Variants in ASPH observed in about 807,000 individuals in gnomAD.
ASPH encodes aspartyl/asparaginyl beta-hydroxylase.
Under a neutral mutation model 118.4 loss-of-function variants are expected in ASPH, and 100 were observed. That is an observed-to-expected ratio of 0.84 (90% CI 0.72 to 1.00). The LOEUF (loss-of-function observed/expected upper bound fraction) is 1.00, where lower values mean the gene tolerates loss of function less well. Ranked by LOEUF, ASPH falls within the 50% of genes least tolerant of loss-of-function variation. The probability of loss-of-function intolerance (pLI) is 0.00; values close to 1 mark genes in which losing one functional copy is unlikely to be tolerated. For synonymous variants in ASPH, 315 were observed against 325.6 expected, an observed-to-expected ratio of 0.97 and a Z score of 0.35; for missense variants, 920 against 919.5, an observed-to-expected ratio of 1.00 and a Z score of -0.01.
At chr8:61,676,135 C>T (rs774911027) in intron 3 of ASPH, 5 of 1,599,308 alleles carry the variant, frequency 3.1e-6, no homozygotes, top group African/African-American at 1.3e-5. Context: ...CATTCTGTGA[C>T]GTACCATCAA....
intron 21 of ASPH, 140 bp from the exon 22 acceptor site, chr8:61,526,252 T>C (rs1815276730): frequency 2.5e-6 from 3 of 1,197,366 alleles, no homozygotes; most frequent in East Asian, 4.9e-5. Flanking sequence ...TTCAATTTCC[T>C]CTGGGACTTC....
At position 61,642,901 on chromosome 8, in the gene ASPH, G is replaced by C. The variant is rs760719359; in HGVS notation, c.777C>G (p.Val259=). The change falls in exon 10 of 25, where the codon GTC becomes GTG. Residue 259 remains valine, a synonymous_variant. Transcript: ENST00000379454. ...HHDTDDVTYQ[V]YEEQAVYEPL... The stretch of plus-strand genomic sequence containing the variant: ...GCATTTGCAAACCTTGTTCCTCATA[G>C]ACTTGGTATGTTACATCATCTGAAA... 7 of 1,501,854 alleles carry C rather than the reference G, an allele frequency of 4.7e-6. No individual in the cohort carries two copies. In the South Asian group the frequency reaches 7.7e-5, roughly 16 times the overall value. 93.0% of individuals were successfully genotyped at this position (1,501,854 alleles called of 1,614,324 possible).
At chr8:61,512,327 T>C (rs1207803349) in intron 24 of ASPH, among the ~76,000 whole-genome samples, 2 of 152,128 alleles carry the variant, frequency 1.3e-5, no homozygotes, top group Non-Finnish European at 2.9e-5. Context: ...TGGATTAGGG[T>C]AGGCCCTAAA....
chr8:61,530,466 T>A (rs1365763065), intron 21 of ASPH, among the ~76,000 whole-genome samples: 1 of 152,160 alleles, frequency 6.6e-6, no homozygotes, highest in Non-Finnish European at 1.5e-5. Context: ...GAATCCCACA[T>A]CCTGCCCCAG....
At chr8:61,570,418 C>CT (rs1357673210) in intron 16 of ASPH, among the ~76,000 whole-genome samples, 2 of 152,128 alleles carry the variant, frequency 1.3e-5, no homozygotes, top group Non-Finnish European at 2.9e-5. Context: ...CTGGAGGTCT[C>CT]TGTAGCATTA....
At chr8:61,534,924 C>G (rs1213330863) in intron 21 of ASPH, among the ~76,000 whole-genome samples, 1 of 152,218 alleles carries the variant, frequency 6.6e-6, no homozygotes, top group Non-Finnish European at 1.5e-5. Flanking sequence ...CCAAGGTCAG[C>G]AAGTTTGGTT....
At chr8:61,690,581 T>C (rs1306383971) in intron 1 of ASPH, among the ~76,000 whole-genome samples, 1 of 152,150 alleles carries the variant, frequency 6.6e-6, no homozygotes, top group Non-Finnish European at 1.5e-5. Context: ...TATTCACTGA[T>C]CTAACATTAG....
chr8:61,604,484 TAAC>T (rs971654060), intron 14 of ASPH, among the ~76,000 whole-genome samples: 1 of 152,230 alleles, frequency 6.6e-6, no homozygotes, highest in Non-Finnish European at 1.5e-5. Flanking sequence ...TTCACTTGAA[TAAC>T]AATACATGAA....
chr8:61,676,368 G>C (rs779384883), intron 3 of ASPH: 1 of 1,498,498 alleles, frequency 6.7e-7, no homozygotes, highest in South Asian at 1.3e-5. Flanking sequence ...GAGCAGTTAG[G>C]TGGAAAAAAG....
intron 1 of ASPH, among the ~76,000 whole-genome samples, chr8:61,709,256 G>A (rs1156336660): frequency 6.6e-6 from 1 of 151,774 alleles, no homozygotes; most frequent in Admixed American, 6.6e-5. Context: ...TCACATCAGG[G>A]GAATAAAATA....
At chr8:61,579,162 A>G in intron 15 of ASPH, 1 of 1,612,144 alleles carries the variant, frequency 6.2e-7, no homozygotes, top group Non-Finnish European at 8.5e-7. Context: ...CTGGAACATC[A>G]GCCAGCTCCA....
chr8:61,643,497 C>T, intron 8 of ASPH, 64 bp from the exon 9 acceptor site: 1 of 1,436,040 alleles, frequency 7.0e-7, no homozygotes, highest in South Asian at 1.2e-5. Context: ...AGACAGCATT[C>T]TAGGAGATTC....
At position 61,567,226 on chromosome 8, in the gene ASPH, G is replaced by A. The variant is rs1832013763; in HGVS notation, c.1242C>T (p.Val414=). 1.2e-6 allele frequency: 2 copies of A among 1,614,026 alleles called. No homozygotes were observed. Among genetic ancestry groups the A allele is most frequent in the South Asian group, 1.1e-5 (1 of 91,060 alleles). Residue 414 remains valine, a synonymous_variant, in exon 17 of 25, where the codon GTC becomes GTT. Coordinates refer to ENST00000379454, the MANE Select transcript of ASPH (RefSeq NM_004318.4). ...TYQEVASLPD[V]PADLLKLSLK... The stretch of plus-strand genomic sequence containing the variant: ...AACTCAGCTTCAGCAGGTCTGCAGG[G>A]ACATCAGGTAGGCTGGCCACCTCTT...
At position 61,651,039 on chromosome 8, in the gene ASPH, T is replaced by TACCA. The variant is rs779224833; in HGVS notation, c.490+10_490+11insTGGT. 5.0e-6 allele frequency: 8 copies of TACCA among 1,605,400 alleles called. No homozygotes were observed. The highest frequency in any genetic ancestry group is 1.3e-5 in the African/African-American group (1 of 74,516). Reference sequence around the variant, plus strand: ...AGTAACTCAAAACAAAGAGCAGATTTTAATTCATACCATGTTCTGCGTGTA... The same window carrying TACCA: ...AGTAACTCAAAACAAAGAGCAGATTTACCATAATTCATACCATGTTCTGCGTGTA... On this transcript the variant is annotated intron_variant, in intron 5 of 24. Transcript: ENST00000379454.
intron 14 of ASPH, among the ~76,000 whole-genome samples, chr8:61,601,028 AATTC>A (rs1843811207): frequency 6.6e-6 from 1 of 151,444 alleles, no homozygotes; most frequent in South Asian, 2.1e-4. Context: ...TAAATAAATC[AATTC>A]ATTAAGAGAA....
At chr8:61,709,428 A>G (rs1837534429) in intron 1 of ASPH, among the ~76,000 whole-genome samples, 1 of 152,192 alleles carries the variant, frequency 6.6e-6, no homozygotes, top group African/African-American at 2.4e-5. Flanking sequence ...TTAGTCCTCT[A>G]ATAAAAATGG....
intron 5 of ASPH, among the ~76,000 whole-genome samples, chr8:61,649,059 C>T (rs575982940): frequency 6.6e-6 from 1 of 152,248 alleles, no homozygotes; most frequent in East Asian, 1.9e-4. Context: ...AGACAAGGCA[C>T]AACTGGCTGG....
intron 22 of ASPH, among the ~76,000 whole-genome samples, chr8:61,524,375 CAAAAA>C (rs1814416522): frequency 6.6e-6 from 1 of 150,742 alleles, no homozygotes; most frequent in African/African-American, 2.4e-5. Context: ...TAAAACAAAA[CAAAAA>C]AGAACAGGAG....
At chr8:61,710,806 T>C (rs1837893244) in intron 1 of ASPH, among the ~76,000 whole-genome samples, 2 of 152,174 alleles carry the variant, frequency 1.3e-5, no homozygotes, top group Non-Finnish European at 2.9e-5. Flanking sequence ...ATCAGCAGTG[T>C]ATTGAATCCC....
Sources: allele counts gnomAD v4.1 joint callset (sites outside exome capture counted in the v4.1 genomes callset), GRCh38; gene constraint gnomAD v4.1.1; transcripts MANE v1.5; gene names NCBI Gene and HGNC (gene_info 2026-07-23, HGNC 2026-07-21).